Variants in SPAG17 observed in about 807,000 individuals in gnomAD.
The protein encoded by SPAG17 is sperm-associated antigen 17.
A neutral mutation model predicts 273.6 loss-of-function variants in SPAG17; 169 were observed. That is an observed-to-expected ratio of 0.62 (90% CI 0.55 to 0.70). The LOEUF (loss-of-function observed/expected upper bound fraction) is 0.70. SPAG17 is among the 30% of genes least tolerant of loss of function. The pLI is 0.00. For missense variants in SPAG17, 2,557 were observed against 2,627.8 expected, an observed-to-expected ratio of 0.97 and a Z score of 0.59; for synonymous variants, 825 against 873.2, an observed-to-expected ratio of 0.94 and a Z score of 0.97.
intron 18 of SPAG17, among the ~76,000 whole-genome samples, chr1:118,056,691 T>C (rs1402816252): frequency 6.6e-6 from 1 of 152,236 alleles, no homozygotes; most frequent in South Asian, 2.1e-4. Context: ...AAAATAAAGC[T>C]AGATGGCTTA....
intron 3 of SPAG17, among the ~76,000 whole-genome samples, chr1:118,133,323 T>C (rs548264845): frequency 5.3e-5 from 8 of 152,106 alleles, no homozygotes; most frequent in Middle Eastern, 6.8e-3. Flanking sequence ...GAGTTTATCG[T>C]TGAGGAGGGC....
intron 20 of SPAG17, among the ~76,000 whole-genome samples, chr1:118,051,726 T>C (rs1287752489): frequency 1.4e-5 from 2 of 145,876 alleles, no homozygotes; most frequent in East Asian, 4.0e-4. Flanking sequence ...ATAATTACAA[T>C]ATATGATATG....
chr1:118,022,393 C>T (rs1660583834), intron 28 of SPAG17, among the ~76,000 whole-genome samples: 1 of 150,706 alleles, frequency 6.6e-6, no homozygotes, highest in Non-Finnish European at 1.5e-5. Context: ...CAATGGTAAA[C>T]CAAGAAAAGA....
intron 8 of SPAG17, 43 bp downstream of exon 8, chr1:118,093,113 A>G: frequency 2.6e-6 from 4 of 1,563,002 alleles, no homozygotes; most frequent in Non-Finnish European, 3.5e-6. Context: ...AAAGTTGTTC[A>G]GTGAATCATT....
rs144819213 is a variant in SPAG17 at position 118,130,463 on chromosome 1, G to T, written c.316-15022C>A. Among the ~76,000 whole-genome samples the T allele has an allele frequency of 2.3e-3, 343 of 152,264 alleles. 4 individuals are homozygous for T. The highest frequency in any genetic ancestry group is 7.9e-3 in the African/African-American group (328 of 41,550). On this transcript the variant is annotated intron_variant, in intron 3 of 48. Transcript: ENST00000336338. ...TTGACACTGGGGTGACCAACTCTGGGGTTTTCCAGGGATTGAACTTTCAGT... is the reference window on the plus strand; with the variant it reads ...TTGACACTGGGGTGACCAACTCTGGTGTTTTCCAGGGATTGAACTTTCAGT...
In SPAG17 at chr1:117,992,588, T is replaced by C. The variant is rs35290515; in HGVS notation, c.5239A>G (p.Lys1747Glu). 44,834 of 1,613,550 alleles carry C rather than the reference T, an allele frequency of 0.028. 738 individuals carry two copies. The highest frequency in any genetic ancestry group is 0.033 in the Non-Finnish European group (39,184 of 1,179,772). ...QIWKGLCIES[K>E]QLVSAPGAIL... ...GCACCCGGGGCACTCACTAGCTGTT[T>C]GGACTCAATGCAAAGGCCTTTCCAA... Residue 1747 changes from lysine to glutamate, a missense_variant, in exon 36 of 49, where the codon AAA becomes GAA. By Grantham distance (56) the Lys-to-Glu change is moderately conservative (BLOSUM62 1). Transcript: ENST00000336338.
At chr1:118,106,846 A>G (rs1217791722) in intron 4 of SPAG17, among the ~76,000 whole-genome samples, 1 of 152,202 alleles carries the variant, frequency 6.6e-6, no homozygotes, top group Non-Finnish European at 1.5e-5. Context: ...AGGTTCTCCT[A>G]GGTAGGGTGT....
chr1:118,124,909 C>T (rs1363013424), intron 3 of SPAG17, among the ~76,000 whole-genome samples: 10 of 152,190 alleles, frequency 6.6e-5, no homozygotes, highest in Admixed American at 4.6e-4. Flanking sequence ...GGACTCCCAT[C>T]TTGGGTCACG....
chr1:118,129,398 T>A (rs1465782416), intron 3 of SPAG17, among the ~76,000 whole-genome samples: 3 of 152,224 alleles, frequency 2.0e-5, no homozygotes, highest in African/African-American at 7.2e-5. Flanking sequence ...ACGTAACTCT[T>A]GGGCTCCAAC....
intron 1 of SPAG17, among the ~76,000 whole-genome samples, chr1:118,152,956 T>C (rs1261041245): frequency 6.6e-6 from 1 of 152,194 alleles, no homozygotes; most frequent in African/African-American, 2.4e-5. Context: ...ACCTTGAAGT[T>C]CCTGATGACT....
chr1:118,072,383 A>G (rs77679825), intron 17 of SPAG17, among the ~76,000 whole-genome samples: 2,696 of 152,304 alleles, frequency 0.018, 45 homozygotes, highest in Admixed American at 0.028. Context: ...GGCAACAGGT[A>G]TCTAACTGGA....
intron 30 of SPAG17, among the ~76,000 whole-genome samples, chr1:118,010,717 A>T (rs1033356076): frequency 2.0e-5 from 3 of 152,346 alleles, no homozygotes; most frequent in Middle Eastern, 3.4e-3. Context: ...GACAAGTGAG[A>T]TCTAATTAAA....
chr1:117,992,924 C>A (rs1168914713), intron 35 of SPAG17, among the ~76,000 whole-genome samples: 9 of 152,100 alleles, frequency 5.9e-5, no homozygotes, highest in Admixed American at 5.9e-4. Context: ...GAGTGCTAAG[C>A]AATGTAATAG....
chr1:118,138,120 G>C (rs971425187), intron 3 of SPAG17, among the ~76,000 whole-genome samples: 2 of 152,074 alleles, frequency 1.3e-5, no homozygotes, highest in African/African-American at 4.8e-5. Flanking sequence ...TGGAAGTTGT[G>C]AACAATAAGT....
At position 118,081,300 on chromosome 1, in the gene SPAG17, T is replaced by G; in HGVS notation, c.2010A>C (p.Arg670Ser). 1 of 1,614,066 alleles carries G rather than the reference T, an allele frequency of 6.2e-7. No individual in the cohort carries two copies. Among genetic ancestry groups the G allele is most frequent in the South Asian group, 1.1e-5 (1 of 91,082 alleles). Residue 670 changes from arginine (R) to serine (S), a missense_variant, in exon 15 of 49, where the codon AGA (arginine) becomes AGC (serine). Physicochemically the swap from Arg to Ser is moderately radical, Grantham distance 110 (BLOSUM62 -1). Coordinates refer to ENST00000336338, the MANE Select transcript of SPAG17 (RefSeq NM_206996.4). ...ACAAATTCTGATCCACAAATAGTGT[T>G]CTGTCTTTGATTTTAATATCTATTC... The part of the protein sequence containing the change: ...KQKADIKIKD[R>S]TLFVDQNLSM...
chr1:117,998,499 CT>C (rs1204295286), intron 32 of SPAG17, among the ~76,000 whole-genome samples: 2 of 152,130 alleles, frequency 1.3e-5, no homozygotes, highest in East Asian at 3.9e-4. Flanking sequence ...ATGCCTCAAC[CT>C]TTGTTCTTTT....
chr1:118,178,294 G>A (rs961067940), intron 1 of SPAG17, among the ~76,000 whole-genome samples: 7 of 152,070 alleles, frequency 4.6e-5, no homozygotes, highest in African/African-American at 1.7e-4. Context: ...CTTAACATAT[G>A]TAAATCAAGA....
At chr1:117,984,556 T>G (rs1309927618) in intron 41 of SPAG17, 127 bp downstream of exon 41, 1 of 627,196 alleles carries the variant, frequency 1.6e-6, no homozygotes, top group African/African-American at 1.9e-5. Flanking sequence ...AGGGTACAGG[T>G]TAGTCAGCCA....
chr1:118,180,105 AT>A (rs1660872918), intron 1 of SPAG17, among the ~76,000 whole-genome samples: 1 of 152,056 alleles, frequency 6.6e-6, no homozygotes, highest in South Asian at 2.1e-4. Context: ...TATAGCCAAA[AT>A]AAATGATATC....
Sources: allele counts gnomAD v4.1 joint callset (sites outside exome capture counted in the v4.1 genomes callset), GRCh38; gene constraint gnomAD v4.1.1; transcripts MANE v1.5; gene names NCBI Gene and HGNC (gene_info 2026-07-23, HGNC 2026-07-21).